The following KLHL18 variants were observed in gnomAD, a reference collection of about 807,000 sequenced individuals.
KLHL18 encodes the protein kelch like family member 18.
KLHL18 carries 38 observed loss-of-function variants against 58.5 expected under a neutral mutation model. The ratio of observed to expected loss-of-function variants is 0.65; its 90% CI spans 0.50 to 0.85. The LOEUF is 0.85. KLHL18 is among the 40% of genes least tolerant of loss of function. The pLI is 0.00. For synonymous variants in KLHL18, 303 were observed against 301.9 expected (o/e 1.00, Z -0.04); for missense variants, 624 against 778.4 (o/e 0.80, Z 2.36).
At position 47,307,830 on chromosome 3, in the gene KLHL18, G is replaced by A. The variant is rs1305972575; in HGVS notation, c.130-11823G>A. 3.9e-5 allele frequency among the ~76,000 whole-genome samples: 6 copies of A among 152,128 alleles called. No individual in the cohort carries two copies. The East Asian group carries it at 1.2e-3, about 29-fold the overall frequency. ...CTCTCTTTTCCATATTATCTGCAAT[G>A]CCATTTCTGTCATTTATCAAGTTTA... On this transcript the variant is annotated intron_variant, in intron 1 of 9. Transcript: ENST00000232766.
intron 1 of KLHL18, among the ~76,000 whole-genome samples, chr3:47,311,013 C>CTT (rs372494094): frequency 8.3e-5 from 12 of 144,592 alleles, no homozygotes; most frequent in Admixed American, 3.5e-4. Flanking sequence ...TTTCCTGATA[C>CTT]TTTTTTTTTT....
chr3:47,308,189 T>C (rs1703193355), intron 1 of KLHL18, among the ~76,000 whole-genome samples: 1 of 151,906 alleles, frequency 6.6e-6, no homozygotes. Flanking sequence ...GGGCATTCTT[T>C]CCATGCAGTC....
At chr3:47,324,294 C>CTTTTTTTTTTTTTTTTTTT (rs1559498832) in intron 3 of KLHL18, among the ~76,000 whole-genome samples, 5 of 10,604 alleles carry the variant, frequency 4.7e-4, no homozygotes, top group African/African-American at 8.3e-4. Flanking sequence ...CTTTTTCTTT[C>CTTTTTTTTTTTTTTTTTTT]TTTCTTTTTT....
intron 1 of KLHL18, chr3:47,297,668 A>T: frequency 2.2e-6 from 1 of 452,796 alleles, no homozygotes; most frequent in Non-Finnish European, 4.4e-6. Context: ...AGTTAAAAAG[A>T]AGAGGTAAAA....
rs533572145 is a variant in KLHL18 at position 47,313,010 on chromosome 3, C to T, written c.130-6643C>T. 5.3e-5 allele frequency among the ~76,000 whole-genome samples: 8 copies of T among 149,998 alleles called. No individual in the cohort carries two copies. In the East Asian group the frequency reaches 5.9e-4, roughly 11 times the overall value. On this transcript the variant is annotated intron_variant, in intron 1 of 9. Coordinates refer to ENST00000232766, the MANE Select transcript of KLHL18 (RefSeq NM_025010.5). ...CTGTAGGCTCCGCCTCCCAGGTTCA[C>T]GCCATTCTCCTGCCTCAGCCTCCTG... is the stretch of plus-strand genomic sequence containing the variant.
chr3:47,283,212 A>C, intron 1 of KLHL18, 118 bp downstream of exon 1: 47 of 234,668 alleles, frequency 2.0e-4, no homozygotes, highest in Middle Eastern at 1.0e-3. Context: ...AAGAGGTGTG[A>C]GGGGGGCCGA....
intron 1 of KLHL18, among the ~76,000 whole-genome samples, chr3:47,315,785 C>T (rs1703406993): frequency 6.6e-6 from 1 of 151,940 alleles, no homozygotes; most frequent in African/African-American, 2.4e-5. Flanking sequence ...ACAGTAAAAG[C>T]AGAGAGATAA....
At chr3:47,318,280 G>A (rs1455772422) in intron 1 of KLHL18, among the ~76,000 whole-genome samples, 1 of 152,240 alleles carries the variant, frequency 6.6e-6, no homozygotes. Context: ...AGGCTTGGCT[G>A]GAGCTGGAGG....
At chr3:47,332,482 C>T (rs1703887121) in intron 4 of KLHL18, among the ~76,000 whole-genome samples, 1 of 151,960 alleles carries the variant, frequency 6.6e-6, no homozygotes, top group Non-Finnish European at 1.5e-5. Flanking sequence ...TGATAGGAGC[C>T]TGGGAGAAAA....
chr3:47,323,986 C>T (rs1465176948), intron 3 of KLHL18, among the ~76,000 whole-genome samples: 1 of 152,162 alleles, frequency 6.6e-6, no homozygotes, highest in East Asian at 1.9e-4. Flanking sequence ...ATCAAATAAC[C>T]GTGGTAATGA....
Position 47,340,586 on chromosome 3 carries a change from T to C in KLHL18, c.1136T>C (p.Val379Ala). The change falls in exon 8 of 10, where the codon GTC (valine) becomes GCC (alanine). Residue 379 changes from valine to alanine, a missense_variant. Coordinates refer to ENST00000232766, the MANE Select transcript of KLHL18 (RefSeq NM_025010.5). The stretch of plus-strand genomic sequence containing the variant: ...GTCTGTTTCAGTGCCATGGGGACAG[T>C]CGTGCTGGATGGGCAGATCTACGTC... Reference protein sequence around the residue: ...MNSKRSAMGTVVLDGQIYVCG... With the variant: ...MNSKRSAMGTAVLDGQIYVCG... 6.2e-7 allele frequency: 1 copy of C among 1,614,040 alleles called. No individual in the cohort carries two copies. Among genetic ancestry groups the C allele is most frequent in the South Asian group, 1.1e-5 (1 of 91,070 alleles).
At chr3:47,342,662 A>G in intron 8 of KLHL18, 57 bp from the exon 9 acceptor site, 2 of 1,438,658 alleles carry the variant, frequency 1.4e-6, no homozygotes, top group Admixed American at 3.4e-5. Context: ...GGCTGTCTTG[A>G]GGGAACAAGA....
intron 7 of KLHL18, among the ~76,000 whole-genome samples, chr3:47,339,923 C>T (rs2107662841): frequency 6.6e-6 from 1 of 152,246 alleles, no homozygotes; most frequent in South Asian, 2.1e-4. Context: ...TGGTGCACAC[C>T]TGTAATCCCA....
At chr3:47,286,064 G>A (rs575702928) in intron 1 of KLHL18, among the ~76,000 whole-genome samples, 70 of 151,994 alleles carry the variant, frequency 4.6e-4, no homozygotes, top group Middle Eastern at 3.4e-3. Context: ...AGAATCAGAC[G>A]TAGTTTCAAC....
intron 1 of KLHL18, among the ~76,000 whole-genome samples, chr3:47,295,376 C>G (rs1702874178): frequency 1.3e-5 from 2 of 152,170 alleles, no homozygotes; most frequent in South Asian, 4.1e-4. Flanking sequence ...TGTCCTCTTG[C>G]ATCAGCTGGC....
At chr3:47,340,551 T>C in intron 7 of KLHL18, 21 bp from the exon 8 acceptor site, 1 of 1,613,906 alleles carries the variant, frequency 6.2e-7, no homozygotes, top group Non-Finnish European at 8.5e-7. Flanking sequence ...TCATCTGGGA[T>C]GACAGCTCTG....
intron 3 of KLHL18, among the ~76,000 whole-genome samples, chr3:47,326,429 A>G (rs1299657324): frequency 1.3e-5 from 2 of 152,168 alleles, no homozygotes; most frequent in African/African-American, 4.8e-5. Flanking sequence ...GAAGGTTGTG[A>G]TGTGGCTAAT....
intron 6 of KLHL18, among the ~76,000 whole-genome samples, chr3:47,335,653 T>G (rs1221647648): frequency 2.0e-5 from 3 of 152,152 alleles, no homozygotes; most frequent in African/African-American, 7.2e-5. Flanking sequence ...GACTACAAGC[T>G]CATGCTACCA....
At chr3:47,307,165 G>A (rs1179912932) in intron 1 of KLHL18, among the ~76,000 whole-genome samples, 1 of 152,074 alleles carries the variant, frequency 6.6e-6, no homozygotes, top group Non-Finnish European at 1.5e-5. Context: ...TTCGCCTCCC[G>A]GGTTCAAGCG....
Sources: allele counts gnomAD v4.1 joint callset (sites outside exome capture counted in the v4.1 genomes callset), GRCh38; gene constraint gnomAD v4.1.1; transcripts MANE v1.5; gene names NCBI Gene and HGNC (gene_info 2026-07-23, HGNC 2026-07-21).